MBOAT2: variants seen among roughly 807,000 people sequenced by gnomAD.
The protein encoded by MBOAT2 is membrane bound glycerophospholipid O-acyltransferase 2.
A neutral mutation model predicts 63.4 loss-of-function variants in MBOAT2; 28 were observed. The ratio of observed to expected loss-of-function variants is 0.44; its 90% CI spans 0.33 to 0.61. The LOEUF (loss-of-function observed/expected upper bound fraction) is 0.61, where lower values mean the gene tolerates loss of function less well. Ranked by LOEUF, MBOAT2 falls within the 20% of genes least tolerant of loss-of-function variation. The probability of loss-of-function intolerance (pLI) is 0.03; values close to 1 mark genes in which losing one functional copy is unlikely to be tolerated. For missense variants in MBOAT2, 470 were observed against 605.8 expected, an observed-to-expected ratio of 0.78 and a Z score of 2.35; for synonymous variants, 211 against 215.6, an observed-to-expected ratio of 0.98 and a Z score of 0.19.
intron 10 of MBOAT2, 32 bp downstream of exon 10, chr2:8,864,138 C>T: frequency 6.8e-7 from 1 of 1,475,498 alleles, no homozygotes; most frequent in Non-Finnish European, 9.2e-7. Context: ...GACGCCAAAG[C>T]ACATCTAAAG....
chr2:8,869,899 T>C (rs1196436985), intron 8 of MBOAT2, among the ~76,000 whole-genome samples: 2 of 152,136 alleles, frequency 1.3e-5, no homozygotes, highest in Admixed American at 1.3e-4. Context: ...CTAAGAGCAA[T>C]GAAACTCCTA....
chr2:8,933,944 GA>G (rs1667494973), intron 3 of MBOAT2, among the ~76,000 whole-genome samples: 1 of 152,100 alleles, frequency 6.6e-6, no homozygotes, highest in Non-Finnish European at 1.5e-5. Flanking sequence ...TTTACAATTT[GA>G]AATAAAGTTA....
chr2:8,875,431 T>A (rs1294954116), intron 7 of MBOAT2, among the ~76,000 whole-genome samples: 1 of 152,210 alleles, frequency 6.6e-6, no homozygotes, highest in Non-Finnish European at 1.5e-5. Flanking sequence ...ATATATACAT[T>A]TGTATTATTC....
chr2:8,943,458 G>A (rs1053412721), intron 2 of MBOAT2, among the ~76,000 whole-genome samples, 194 bp from the exon 3 acceptor site: 4 of 152,146 alleles, frequency 2.6e-5, no homozygotes, highest in Non-Finnish European at 5.9e-5. Context: ...CAGAAGAGCT[G>A]GGGGGAAAAA....
intron 3 of MBOAT2, among the ~76,000 whole-genome samples, chr2:8,927,026 G>A (rs576024634): frequency 6.6e-6 from 1 of 152,200 alleles, no homozygotes; most frequent in Admixed American, 6.5e-5. Context: ...AGGTGAGAAG[G>A]AAGAAGGGAT....
rs559049193 is a variant in MBOAT2, at chr2:8,944,707, T to A, written c.222-1443A>T. 2.0e-5 allele frequency among the ~76,000 whole-genome samples: 3 copies of A among 152,060 alleles called. No homozygotes were observed. In the East Asian group the frequency reaches 5.8e-4, roughly 29 times the overall value. On this transcript the variant is annotated intron_variant, in intron 2 of 12. Transcript: ENST00000305997. Reference sequence around the variant, plus strand: ...CACGAAAATAATGTTGGCCTTTTTTTAATACCATTATAATCAGAGGAAGCA... The same window carrying A: ...CACGAAAATAATGTTGGCCTTTTTTAAATACCATTATAATCAGAGGAAGCA...
At chr2:8,961,212 T>C (rs1438680371) in intron 1 of MBOAT2, among the ~76,000 whole-genome samples, 1 of 152,002 alleles carries the variant, frequency 6.6e-6, no homozygotes, top group Non-Finnish European at 1.5e-5. Context: ...ATCTGAAAAA[T>C]ATTCTCTCTC....
At chr2:8,890,093 C>T (rs181833835) in intron 4 of MBOAT2, among the ~76,000 whole-genome samples, 3 of 152,212 alleles carry the variant, frequency 2.0e-5, no homozygotes, top group East Asian at 1.9e-4. Context: ...TCTAACAGAG[C>T]GGGAGGGAAG....
At chr2:8,902,072 C>A (rs1178591068) in intron 4 of MBOAT2, among the ~76,000 whole-genome samples, 3 of 152,168 alleles carry the variant, frequency 2.0e-5, no homozygotes, top group African/African-American at 7.2e-5. Flanking sequence ...CAACCCTCAG[C>A]TCAGCCCAGA....
chr2:8,896,582 CTTG>C (rs1013019992), intron 4 of MBOAT2, among the ~76,000 whole-genome samples: 2 of 152,130 alleles, frequency 1.3e-5, no homozygotes, highest in Non-Finnish European at 2.9e-5. Context: ...AGTTGAAAAC[CTTG>C]TTAAGTTTGG....
intron 3 of MBOAT2, among the ~76,000 whole-genome samples, chr2:8,915,551 G>A (rs1479545902): frequency 6.6e-6 from 1 of 151,986 alleles, no homozygotes; most frequent in Non-Finnish European, 1.5e-5. Flanking sequence ...GTTTTGTTTT[G>A]TTTACTGTCT....
chr2:8,993,724 AT>A (rs2103368638), intron 1 of MBOAT2, among the ~76,000 whole-genome samples: 1 of 152,208 alleles, frequency 6.6e-6, no homozygotes, highest in South Asian at 2.1e-4. Flanking sequence ...GCGGTGTTTT[AT>A]GTCTGAAAAT....
intron 11 of MBOAT2, among the ~76,000 whole-genome samples, chr2:8,861,762 G>C (rs1236522853): frequency 6.6e-6 from 1 of 152,098 alleles, no homozygotes; most frequent in African/African-American, 2.4e-5. Flanking sequence ...ATGCTACTTA[G>C]TATTTATAAC....
At chr2:8,976,012 C>T (rs1390829024) in intron 1 of MBOAT2, among the ~76,000 whole-genome samples, 2 of 152,226 alleles carry the variant, frequency 1.3e-5, no homozygotes, top group East Asian at 1.9e-4. Flanking sequence ...CAAGCCTGTA[C>T]ATCAGACACA....
At position 8,857,386 on chromosome 2, in the gene MBOAT2, G is replaced by A. The variant is rs1313545036; in HGVS notation, c.*1293C>T. ...ACCACAGTCCTCTGTGGGATCGCAG[G>A]AGATGCTTAGTAATCCAAGGCAAGA... On this transcript the variant is annotated 3_prime_UTR_variant, in exon 13 of 13. Transcript: ENST00000305997. The A allele has an allele frequency of 1.0e-4, 16 of 152,618 alleles. No homozygotes were observed. The highest frequency in any genetic ancestry group is 3.4e-3 in the Middle Eastern group (1 of 294). The allele number at this position is 152,618 out of a possible 1,614,324, so 9.5% of individuals were successfully genotyped here.
rs553419878 is a variant in MBOAT2 at position 8,957,321 on chromosome 2, A to G, written c.221+1176T>C. Among the ~76,000 whole-genome samples, 35 of 152,356 alleles carry G rather than the reference A, an allele frequency of 2.3e-4. 1 individual carries two copies. The highest frequency in any genetic ancestry group is 8.2e-4 in the African/African-American group (34 of 41,578). On this transcript the variant is annotated intron_variant, in intron 2 of 12. Transcript: ENST00000305997. ...AGAAACCTTAAAAAACTGTGATGAT[A>G]TAAATGTGATGTCAATGAAGCAAAA...
At chr2:8,886,359 A>C (rs1663551938) in intron 5 of MBOAT2, among the ~76,000 whole-genome samples, 1 of 152,212 alleles carries the variant, frequency 6.6e-6, no homozygotes, top group Non-Finnish European at 1.5e-5. Flanking sequence ...TTAGCCTTGA[A>C]TTCAACTACA....
intron 2 of MBOAT2, among the ~76,000 whole-genome samples, chr2:8,953,240 T>C (rs1380475300): frequency 5.3e-5 from 8 of 152,236 alleles, no homozygotes; most frequent in African/African-American, 1.9e-4. Flanking sequence ...TGGTGGGTTA[T>C]GAAATTCTTG....
Position 8,862,132 on chromosome 2 carries a change from G to A in MBOAT2, c.1185+458C>T, listed in dbSNP as rs559042935. On this transcript the variant is annotated intron_variant, in intron 11 of 12. Transcript: ENST00000305997. This position sits in a 1 kb window ranked among gnomAD's most constrained non-coding sequence, Gnocchi z 4.3. ...TCCCCAAAATATTACTCTATGTTCT[G>A]TCTAGGCAAATACTCTAAAGAACTG... 10 of 315,372 alleles carry A rather than the reference G, an allele frequency of 3.2e-5. No homozygotes were observed. Among genetic ancestry groups the A allele is most frequent in the Non-Finnish European group, 5.7e-5 (10 of 174,630 alleles). 19.5% of individuals were successfully genotyped at this position (315,372 alleles called of 1,614,324 possible).
Sources: gnomAD v4.1 joint callset for allele counts (sites outside exome capture counted in the v4.1 genomes callset) on GRCh38, gnomAD v4.1.1 for gene constraint, Gnocchi (gnomAD v3.1) non-coding constraint, MANE v1.5 for transcripts, NCBI Gene and HGNC (gene_info 2026-07-23, HGNC 2026-07-21) for gene names.